KALRN: variants seen among roughly 807,000 people sequenced by gnomAD.
The protein encoded by KALRN is kalirin.
KALRN carries 70 observed loss-of-function variants against 353.7 expected under a neutral mutation model. That is an observed-to-expected ratio of 0.20 (90% CI 0.16 to 0.24). The LOEUF (loss-of-function observed/expected upper bound fraction) is 0.24, where lower values mean the gene tolerates loss of function less well. Ranked by LOEUF, KALRN falls within the 10% of genes least tolerant of loss-of-function variation. The pLI, the probability that KALRN is intolerant of heterozygous loss-of-function variation, is 1.00. For synonymous variants in KALRN, 1,391 were observed against 1,434.8 expected (o/e 0.97, Z 0.69); for missense variants, 2,791 against 3,756.7 (o/e 0.74, Z 6.72).
At chr3:124,480,272 C>T (rs1015238890) in intron 27 of KALRN, among the ~76,000 whole-genome samples, 5 of 152,160 alleles carry the variant, frequency 3.3e-5, no homozygotes, top group Non-Finnish European at 7.3e-5. Flanking sequence ...TCAAACAAGT[C>T]TTGCAAGTAC....
chr3:124,134,700 C>A (rs888912430), intron 1 of KALRN, among the ~76,000 whole-genome samples: 5 of 151,978 alleles, frequency 3.3e-5, no homozygotes, highest in Admixed American at 6.6e-5. Context: ...ACAATTACAT[C>A]AAAAAGTGGG....
At chr3:124,572,732 T>C (rs7649882) in intron 34 of KALRN, among the ~76,000 whole-genome samples, 46,758 of 152,086 alleles carry the variant, frequency 0.31, 7,383 homozygotes, top group East Asian at 0.38. Context: ...AAAAGTTGTC[T>C]GTGGCTTTAC....
intron 18 of KALRN, among the ~76,000 whole-genome samples, chr3:124,440,972 T>G (rs1354616050): frequency 6.6e-6 from 1 of 151,878 alleles, no homozygotes; most frequent in African/African-American, 2.4e-5. Context: ...GAGAATGTGA[T>G]CAGCCCTCTC....
At chr3:124,393,425 C>T (rs999672309) in intron 11 of KALRN, among the ~76,000 whole-genome samples, 4 of 152,194 alleles carry the variant, frequency 2.6e-5, no homozygotes, top group Admixed American at 6.5e-5. Flanking sequence ...TCCTGTACGT[C>T]CTGGTTTTAT....
At chr3:124,375,753 C>T (rs1300141566) in intron 10 of KALRN, among the ~76,000 whole-genome samples, 1 of 152,112 alleles carries the variant, frequency 6.6e-6, no homozygotes, top group Non-Finnish European at 1.5e-5. Context: ...CTTTTGCTTT[C>T]CTGCCTCAGA....
intron 3 of KALRN, among the ~76,000 whole-genome samples, chr3:124,246,430 A>G (rs2081127214): frequency 6.6e-6 from 1 of 152,096 alleles, no homozygotes; most frequent in Non-Finnish European, 1.5e-5. Flanking sequence ...TAAAGTTAGG[A>G]TCTGATATGA....
intron 1 of KALRN, among the ~76,000 whole-genome samples, chr3:124,055,900 G>A (rs1223262944): frequency 6.6e-6 from 1 of 152,172 alleles, no homozygotes; most frequent in African/African-American, 2.4e-5. Context: ...CATTGATTCT[G>A]CACCCAGGTA....
At chr3:124,461,847 A>G (rs1228702179) in intron 23 of KALRN, 43 bp from the exon 24 acceptor site, 2 of 1,429,398 alleles carry the variant, frequency 1.4e-6, no homozygotes, top group East Asian at 2.3e-5. Context: ...GAGGAGAGAC[A>G]TTATATCTAT....
chr3:124,669,188 A>C (rs527758183), intron 47 of KALRN, among the ~76,000 whole-genome samples: 6 of 152,362 alleles, frequency 3.9e-5, no homozygotes, highest in African/African-American at 1.4e-4. Flanking sequence ...TGATAGAAAC[A>C]GGACTTGAAT....
intron 34 of KALRN, among the ~76,000 whole-genome samples, chr3:124,581,475 T>C (rs2074627092): frequency 6.6e-6 from 1 of 152,168 alleles, no homozygotes; most frequent in Non-Finnish European, 1.5e-5. Context: ...TACTGGTATT[T>C]GATTTCTAAA....
chr3:124,548,104 C>T (rs1203426047), intron 33 of KALRN, among the ~76,000 whole-genome samples: 1 of 152,166 alleles, frequency 6.6e-6, no homozygotes, highest in Non-Finnish European at 1.5e-5. Flanking sequence ...TCCTTGTTCA[C>T]TTTCTTTTTT....
At chr3:124,075,822 G>C (rs2060231793) in intron 1 of KALRN, among the ~76,000 whole-genome samples, 1 of 152,222 alleles carries the variant, frequency 6.6e-6, no homozygotes, top group Admixed American at 6.5e-5. Context: ...TGTAGAGAGG[G>C]AGTATTGTGC....
At chr3:124,043,354 T>C (rs2040138904) in intron 1 of KALRN, among the ~76,000 whole-genome samples, 1 of 151,424 alleles carries the variant, frequency 6.6e-6, no homozygotes, top group South Asian at 2.1e-4. Context: ...AGGGAAGATA[T>C]GTGAATACCT....
chr3:124,684,141 C>A (rs1218097678), intron 51 of KALRN, among the ~76,000 whole-genome samples: 1 of 152,130 alleles, frequency 6.6e-6, no homozygotes. Flanking sequence ...TCCATCCCTG[C>A]AGCCCCTTCA....
intron 6 of KALRN, among the ~76,000 whole-genome samples, chr3:124,323,242 G>A (rs1284221232): frequency 6.6e-6 from 1 of 152,092 alleles, no homozygotes; most frequent in Non-Finnish European, 1.5e-5. Flanking sequence ...TTTTTCATGC[G>A]GGGAGCCTCT....
At chr3:124,144,362 A>AG (rs1027299712) in intron 1 of KALRN, among the ~76,000 whole-genome samples, 44 of 152,262 alleles carry the variant, frequency 2.9e-4, no homozygotes, top group African/African-American at 8.9e-4. Context: ...CCTGCTCCTT[A>AG]GGAAGGGGTA....
At position 124,474,659 on chromosome 3, in the gene KALRN, G is replaced by T; in HGVS notation, c.4032-4G>T. The T allele has an allele frequency of 6.2e-7, 1 of 1,613,646 alleles. No individual in the cohort carries two copies. Among genetic ancestry groups the T allele is most frequent in the African/African-American group, 1.3e-5 (1 of 75,024 alleles). Reference sequence around the variant, plus strand: ...TCTGATTCAGTCTTTTTCTCCTCTTGCAGCATCTTCCTCAAAGAGCTGGAG... The same window carrying T: ...TCTGATTCAGTCTTTTTCTCCTCTTTCAGCATCTTCCTCAAAGAGCTGGAG... On this transcript the variant is annotated splice_polypyrimidine_tract_variant and splice_region_variant and intron_variant, in intron 25 of 59. Transcript: ENST00000682506.
chr3:124,110,573 T>C (rs2062868813), intron 1 of KALRN, among the ~76,000 whole-genome samples: 1 of 152,102 alleles, frequency 6.6e-6, no homozygotes, highest in African/African-American at 2.4e-5. Flanking sequence ...CATGGTATAC[T>C]TTTTCCTTGT....
At chr3:124,208,194 C>T (rs1201890094) in intron 1 of KALRN, among the ~76,000 whole-genome samples, 3 of 152,190 alleles carry the variant, frequency 2.0e-5, no homozygotes, top group Non-Finnish European at 4.4e-5. Context: ...TCTTCTAACA[C>T]GCACATATGT....
Sources: allele counts gnomAD v4.1 joint callset (sites outside exome capture counted in the v4.1 genomes callset), GRCh38; gene constraint gnomAD v4.1.1; transcripts MANE v1.5; gene names NCBI Gene and HGNC (gene_info 2026-07-23, HGNC 2026-07-21).